The following CCZ1 variants were observed in gnomAD, a reference collection of about 807,000 sequenced individuals.
The protein encoded by CCZ1 is vacuolar fusion protein CCZ1 homolog.
A neutral mutation model predicts 57.8 loss-of-function variants in CCZ1; 19 were observed. That is an observed-to-expected ratio of 0.33 (90% CI 0.23 to 0.48). CCZ1 has a LOEUF of 0.48. CCZ1 is among the 20% of genes least tolerant of loss of function. The probability of loss-of-function intolerance (pLI) is 0.99; values close to 1 mark genes in which losing one functional copy is unlikely to be tolerated. For missense variants in CCZ1, 200 were observed against 492.0 expected (o/e 0.41, Z 5.61); for synonymous variants, 81 against 167.0 (o/e 0.49, Z 3.97).
At chr7:5,916,511 T>TG (rs1256255486) in intron 10 of CCZ1, among the ~76,000 whole-genome samples, 139 of 16,126 alleles carry the variant, frequency 8.6e-3, no homozygotes, top group African/African-American at 0.024. Flanking sequence ...TTTTGTTTTT[T>TG]TTTTTTTTGG....
chr7:5,901,040 C>A, intron 4 of CCZ1, 108 bp downstream of exon 4: 2 of 566,496 alleles, frequency 3.5e-6, no homozygotes, highest in Non-Finnish European at 5.6e-6. Flanking sequence ...GCAGAAGTTT[C>A]TCGGGGTATA....
chr7:5,908,050 G>GTGAGCTATGATAGCA (rs1781876767), intron 7 of CCZ1, among the ~76,000 whole-genome samples: 2 of 142,460 alleles, frequency 1.4e-5, no homozygotes, highest in African/African-American at 5.3e-5. Flanking sequence ...TGAGGTTGCA[G>GTGAGCTATGATAGCA]TGAGCTATGA....
chr7:5,910,706 T>TTTTATTTATTTA (rs1554282244), intron 8 of CCZ1, among the ~76,000 whole-genome samples: 1 of 123,688 alleles, frequency 8.1e-6, no homozygotes, highest in Admixed American at 8.4e-5. Flanking sequence ...ATGTATTTTA[T>TTTTATTTATTTA]TTTATTTATT....
At chr7:5,922,968 A>G (rs1779273844) in intron 12 of CCZ1, among the ~76,000 whole-genome samples, 2 of 149,338 alleles carry the variant, frequency 1.3e-5, no homozygotes, top group Admixed American at 1.3e-4. Flanking sequence ...GGGAAAGCAG[A>G]CAGACAACAC....
chr7:5,916,487 G>A (rs1562544312), intron 10 of CCZ1, among the ~76,000 whole-genome samples: 1 of 53,580 alleles, frequency 1.9e-5, no homozygotes, highest in African/African-American at 7.1e-5. Flanking sequence ...GGTTTTTTGG[G>A]TTTTTGTTTT....
intron 10 of CCZ1, among the ~76,000 whole-genome samples, chr7:5,914,474 C>A (rs1431389441): frequency 6.7e-6 from 1 of 148,582 alleles, no homozygotes; most frequent in Admixed American, 6.7e-5. Context: ...ATATCCAGCA[C>A]CAGACATTAT....
At position 5,900,858 on chromosome 7, in the gene CCZ1, G is replaced by T. The variant is rs910812692; in HGVS notation, c.316G>T (p.Val106Phe). 5.8e-6 allele frequency: 8 copies of T among 1,380,432 alleles called. No individual in the cohort carries two copies. Among genetic ancestry groups the T allele is most frequent in the Non-Finnish European group, 7.9e-6 (8 of 1,018,346 alleles). The allele number at this position is 1,380,432 out of a possible 1,614,324, so 85.5% of individuals were successfully genotyped here. A position where few individuals can be genotyped will look rare whatever the true frequency, so the allele number is the denominator to read the frequency against. Residue 106 changes from valine (V) to phenylalanine (F), a missense_variant, in exon 4 of 15, where the codon GTT becomes TTT. Around this residue, in one of 5 missense-constraint regions of CCZ1, gnomAD observed 44 missense variants for 122.8 expected, o/e 0.36. Coordinates refer to ENST00000325974, the MANE Select transcript of CCZ1 (RefSeq NM_015622.6). Reference sequence around the variant, plus strand: ...TTCAGTTTATCAAACTTTGTAGGTTGTTCGGAATCCTATAATTGAAAAACA... The same window carrying T: ...TTCAGTTTATCAAACTTTGTAGGTTTTTCGGAATCCTATAATTGAAAAACA... The part of the protein sequence containing the change: ...PEENFWMVMV[V>F]RNPIIEKQSK...
Position 5,901,543 on chromosome 7 carries a change from A to G in CCZ1, c.391-114A>G, listed in dbSNP as rs558676356. 2.5e-4 allele frequency: 352 copies of G among 1,435,090 alleles called. 4 individuals carry two copies. Among genetic ancestry groups the G allele is most frequent in the Non-Finnish European group, 2.9e-4 (322 of 1,091,998 alleles). 88.9% of individuals were successfully genotyped at this position (1,435,090 alleles called of 1,614,324 possible). A position where few individuals can be genotyped will look rare whatever the true frequency, so the allele number is the denominator to read the frequency against. ...TTTCAGCACGCAACTATTGTGGGAC[A>G]AAGTTTATAAACATTATACTGTTTG... On this transcript the variant is annotated intron_variant, in intron 4 of 14. Coordinates refer to ENST00000325974, the MANE Select transcript of CCZ1 (RefSeq NM_015622.6).
rs552545388 is a variant in CCZ1 at position 5,909,614 on chromosome 7, G to A, written c.699-421G>A. On this transcript the variant is annotated intron_variant, in intron 7 of 14. Transcript: ENST00000325974. ...GTCTGGAGGCTGAGATGGGAGGACC[G>A]CTTGAGCCCTGGAGGCCAAGGCTGC... Among the ~76,000 whole-genome samples, 52 of 147,942 alleles carry A rather than the reference G, an allele frequency of 3.5e-4. 2 individuals carry two copies. Among genetic ancestry groups the A allele is most frequent in the South Asian group, 1.1e-3 (5 of 4,558 alleles).
chr7:5,908,949 A>G (rs1288635258), intron 7 of CCZ1, among the ~76,000 whole-genome samples: 2 of 147,336 alleles, frequency 1.4e-5, no homozygotes, highest in African/African-American at 5.1e-5. Context: ...TCTACAGCAT[A>G]CCCATATTTT....
intron 1 of CCZ1, among the ~76,000 whole-genome samples, chr7:5,899,333 GGGT>G (rs1241593786): frequency 2.7e-4 from 1 of 3,692 alleles, no homozygotes; most frequent in African/African-American, 6.1e-4. Context: ...TTCGGGAGGG[GGGT>G]GTGTGTGTGT....
In CCZ1 at chr7:5,907,685, G is replaced by C. The variant is rs538977180; in HGVS notation, c.699-2350G>C. 4.2e-4 allele frequency among the ~76,000 whole-genome samples: 61 copies of C among 145,700 alleles called. 2 individuals are homozygous for C. The highest frequency in any genetic ancestry group is 1.5e-3 in the African/African-American group (58 of 39,034). On this transcript the variant is annotated intron_variant, in intron 7 of 14. Transcript: ENST00000325974. ...GGGATCCTGTTGGCATCGTCATCTT[G>C]GAATAGCATCTGAGGGGTTGAGCAG...
At position 5,900,340 on chromosome 7, in the gene CCZ1, T is replaced by G. The variant is rs1386289149; in HGVS notation, c.177T>G (p.Ile59Met). 6.4e-6 allele frequency: 10 copies of G among 1,572,392 alleles called. No homozygotes were observed. The highest frequency in any genetic ancestry group is 4.7e-5 in the East Asian group (2 of 42,498). ...ATGAGGTAGAAAAGAATGAGAAGATTAGAAATGTCGGATTGTGTGAAGCTA... is the reference window on the plus strand; with the variant it reads ...ATGAGGTAGAAAAGAATGAGAAGATGAGAAATGTCGGATTGTGTGAAGCTA... ...HPNEVEKNEK[I>M]RNVGLCEAIV... Residue 59 changes from isoleucine (I) to methionine (M), a missense_variant, in exon 2 of 15, where the codon ATT becomes ATG. Coordinates refer to ENST00000325974, the MANE Select transcript of CCZ1 (RefSeq NM_015622.6).
chr7:5,898,988 G>C (rs1781612719), intron 1 of CCZ1, 69 bp downstream of exon 1: 1 of 328,872 alleles, frequency 3.0e-6, no homozygotes, highest in Non-Finnish European at 5.0e-6. Context: ...CTGTGGTTCT[G>C]CCCACCTCGA....
intron 7 of CCZ1, among the ~76,000 whole-genome samples, chr7:5,905,986 A>G (rs1485603760): frequency 7.4e-6 from 1 of 134,252 alleles, no homozygotes; most frequent in African/African-American, 2.8e-5. Context: ...CAAGCGATCC[A>G]CCCGCCTCAG....
At chr7:5,907,529 G>C (rs537152821) in intron 7 of CCZ1, among the ~76,000 whole-genome samples, 1 of 147,388 alleles carries the variant, frequency 6.8e-6, no homozygotes, top group South Asian at 2.3e-4. Context: ...ACTCCTGAGA[G>C]TGAGGAAGAG....
rs555426545 is a variant in CCZ1 at position 5,926,362 on chromosome 7, GTCTC to G, written c.*679_*682del. ...CCTAAGCCTGTGTGTGTGTCCTCGTGTCTCTCTACTTTTTCTTCTTCTTGCTGGT... is the reference window on the plus strand; with the variant it reads ...CCTAAGCCTGTGTGTGTGTCCTCGTGTCTACTTTTTCTTCTTCTTGCTGGT... On this transcript the variant is annotated 3_prime_UTR_variant, in exon 15 of 15. Coordinates refer to ENST00000325974, the MANE Select transcript of CCZ1 (RefSeq NM_015622.6). 1.8e-3 allele frequency: 2,562 copies of G among 1,386,102 alleles called. 5 individuals are homozygous for G. The African/African-American group carries it at 0.033, about 18-fold the overall frequency. 85.9% of individuals were successfully genotyped at this position (1,386,102 alleles called of 1,614,324 possible).
chr7:5,899,334 G>GGTGTGTGTGT lies in CCZ1; in HGVS notation c.120+455_120+464dup, dbSNP rs869199583. 2.6e-3 allele frequency among the ~76,000 whole-genome samples: 33 copies of GGTGTGTGTGT among 12,554 alleles called. 1 individual carries two copies. The highest frequency in any genetic ancestry group is 0.013 in the South Asian group (5 of 394). 8.2% of individuals were successfully genotyped at this position (12,554 alleles called of 152,430 possible). A position where few individuals can be genotyped will look rare whatever the true frequency, so the allele number is the denominator to read the frequency against. ...GGAAATAAATTAATTTCGGGAGGGGGGTGTGTGTGTGTGTGTGTGTGTGTG... is the reference window on the plus strand; with the variant it reads ...GGAAATAAATTAATTTCGGGAGGGGGGTGTGTGTGTGTGTGTGTGTGTGTGTGTGTGTGTG... On this transcript the variant is annotated intron_variant, in intron 1 of 14. Coordinates refer to ENST00000325974, the MANE Select transcript of CCZ1 (RefSeq NM_015622.6).
In CCZ1 at chr7:5,901,743, C is replaced by G. The variant is rs369835545; in HGVS notation, c.438+39C>G. On this transcript the variant is annotated intron_variant, in intron 5 of 14. Coordinates refer to ENST00000325974, the MANE Select transcript of CCZ1 (RefSeq NM_015622.6). ...TCTTTCTCAACTCAGAGTCCAGCCA[C>G]TTACCCCTATCTCTAGGCTCCAGGG... 6.3e-5 allele frequency: 100 copies of G among 1,595,662 alleles called. 7 individuals are homozygous for G. The African/African-American group carries it at 1.1e-3, about 17-fold the overall frequency.
Sources: gnomAD v4.1 joint callset for allele counts (sites outside exome capture counted in the v4.1 genomes callset) on GRCh38, gnomAD v4.1.1 for gene constraint, gnomAD v4.1.1 regional missense constraint, MANE v1.5 for transcripts, NCBI Gene and HGNC (gene_info 2026-07-23, HGNC 2026-07-21) for gene names.